ELF1: variants seen among roughly 807,000 people sequenced by gnomAD.
ELF1 encodes E74 like ETS transcription factor 1.
Under a neutral mutation model 59.9 loss-of-function variants are expected in ELF1, and 24 were observed. That is an observed-to-expected ratio of 0.40 (90% confidence interval 0.29 to 0.56). The LOEUF is 0.56. Ranked by LOEUF, ELF1 falls within the 20% of genes least tolerant of loss-of-function variation. The pLI, the probability that ELF1 is intolerant of heterozygous loss-of-function variation, is 0.44. For synonymous variants in ELF1, 248 were observed against 266.2 expected, an observed-to-expected ratio of 0.93 and a Z score of 0.67; for missense variants, 627 against 742.2, an observed-to-expected ratio of 0.84 and a Z score of 1.80.
Position 41,039,888 on chromosome 13 carries a change from A to G in ELF1, c.-229+20950T>C, listed in dbSNP as rs73471206. Among the ~76,000 whole-genome samples, 853 of 152,322 alleles carry G rather than the reference A, an allele frequency of 5.6e-3. 6 individuals carry two copies. The highest frequency in any genetic ancestry group is 0.019 in the African/African-American group (806 of 41,584). ...CAAATACCCTAATAGAAAAACAGGC[A>G]TAAGGCATGAATAGGCACTTCACAA... is the stretch of plus-strand genomic sequence containing the variant. On this transcript the variant is annotated intron_variant, in intron 1 of 1. Transcript: ENST00000405737.
intron 1 of ELF1, chr13:40,992,629 T>TA (rs76106815): frequency 0.18 from 28,569 of 158,628 alleles, 2,776 homozygotes; most frequent in African/African-American, 0.22. Flanking sequence ...AGTGTTCCTT[T>TA]TCCCTACTCA....
intron 1 of ELF1, among the ~76,000 whole-genome samples, chr13:41,046,372 C>G (rs1446731250): frequency 6.6e-6 from 1 of 152,204 alleles, no homozygotes; most frequent in South Asian, 2.1e-4. Context: ...GCAGTTTCTT[C>G]CTAGCATCAA....
intron 1 of ELF1, among the ~76,000 whole-genome samples, chr13:40,987,818 GACACCAAGTAACTGA>G (rs1322788483): frequency 1.3e-5 from 2 of 152,080 alleles, no homozygotes; most frequent in Non-Finnish European, 1.5e-5. Flanking sequence ...AGTAACTCTA[GACACCAAGTAACTGA>G]ACAGAAAGAA....
At chr13:40,952,862 G>T (rs1352682478) in intron 3 of ELF1, among the ~76,000 whole-genome samples, 2 of 151,726 alleles carry the variant, frequency 1.3e-5, no homozygotes, top group African/African-American at 4.8e-5. Flanking sequence ...CTCTGTACAG[G>T]ATTATTTTGA....
intron 1 of ELF1, among the ~76,000 whole-genome samples, chr13:41,002,735 G>A (rs949055095): frequency 6.6e-6 from 1 of 152,000 alleles, no homozygotes; most frequent in Non-Finnish European, 1.5e-5. Context: ...GCAACAAGTA[G>A]CTAAGAAGAC....
chr13:41,034,761 T>G (rs983992518), intron 1 of ELF1, among the ~76,000 whole-genome samples: 48 of 148,430 alleles, frequency 3.2e-4, no homozygotes, highest in Admixed American at 2.8e-3. Flanking sequence ...TAAAGGAATG[T>G]CTCAAATTCT....
chr13:40,947,449 G>A (rs1870575440), intron 5 of ELF1, among the ~76,000 whole-genome samples: 1 of 152,220 alleles, frequency 6.6e-6, no homozygotes, highest in Non-Finnish European at 1.5e-5. Context: ...GGCAGAGGCA[G>A]GAGAATCACC....
At chr13:40,955,747 C>T (rs866101465) in intron 3 of ELF1, among the ~76,000 whole-genome samples, 145 of 130,490 alleles carry the variant, frequency 1.1e-3, no homozygotes, top group African/African-American at 3.7e-3. Context: ...CCCCGCCCGG[C>T]CAGCCGCCCC....
chr13:40,968,321 CAA>C (rs1872313476), intron 2 of ELF1, among the ~76,000 whole-genome samples: 1 of 152,118 alleles, frequency 6.6e-6, no homozygotes, highest in Non-Finnish European at 1.5e-5. Flanking sequence ...TAAACACACA[CAA>C]AAAATTAGGG....
intron 2 of ELF1, among the ~76,000 whole-genome samples, chr13:40,970,579 G>A (rs1872475096): frequency 6.6e-6 from 1 of 152,162 alleles, no homozygotes; most frequent in South Asian, 2.1e-4. Flanking sequence ...TGGCATGGAG[G>A]TTAACATGCA....
At chr13:40,993,424 C>A in intron 1 of ELF1, 1 of 681,192 alleles carries the variant, frequency 1.5e-6, no homozygotes, top group South Asian at 1.8e-5. Flanking sequence ...GCTCTGTCCT[C>A]TAGCGGAGCC....
At chr13:40,959,072 T>G (rs1460774279) in intron 2 of ELF1, 56 bp from the exon 3 acceptor site, 2 of 1,516,448 alleles carry the variant, frequency 1.3e-6, no homozygotes, top group Non-Finnish European at 1.8e-6. Flanking sequence ...AGTTTTGCTT[T>G]TGTTAAATAA....
At position 40,951,454 on chromosome 13, in the gene ELF1, A is replaced by G. The variant is rs751905340; in HGVS notation, c.254-18T>C. ...AGCTTCAACTGCAACACATTTAAAG[A>G]GAAAATTAAATTAACTACGAGACAT... is the stretch of plus-strand genomic sequence containing the variant. On this transcript the variant is annotated intron_variant, in intron 3 of 8. Transcript: ENST00000239882. 19 of 1,603,142 alleles carry G rather than the reference A, an allele frequency of 1.2e-5. No individual in the cohort carries two copies. Among genetic ancestry groups the G allele is most frequent in the Non-Finnish European group, 1.5e-5 (17 of 1,171,008 alleles).
intron 1 of ELF1, among the ~76,000 whole-genome samples, chr13:41,046,185 CAT>C (rs1299224948): frequency 3.9e-5 from 6 of 152,294 alleles, no homozygotes; most frequent in East Asian, 3.9e-4. Context: ...TGTCTCTGCA[CAT>C]GAGATGGGTC....
intron 3 of ELF1, among the ~76,000 whole-genome samples, chr13:40,954,198 T>A (rs1282229076): frequency 6.6e-6 from 1 of 152,156 alleles, no homozygotes; most frequent in Non-Finnish European, 1.5e-5. Flanking sequence ...TGGTTTGCTC[T>A]GAACAAAAAA....
At chr13:40,997,551 C>T (rs1395025434) in intron 1 of ELF1, among the ~76,000 whole-genome samples, 5 of 151,756 alleles carry the variant, frequency 3.3e-5, no homozygotes, top group East Asian at 2.0e-4. Context: ...CCACTGCACC[C>T]GGCCATCTTT....
exon 1 of ELF1, chr13:41,061,386 CCCCTT>C: frequency 1.8e-6 from 1 of 546,954 alleles, no homozygotes; most frequent in Non-Finnish European, 3.3e-6. Flanking sequence ...CGCGCTTTTA[CCCCTT>C]CCCGGTGACC....
chr13:41,034,238 A>G (rs1262003222), intron 1 of ELF1, among the ~76,000 whole-genome samples: 1 of 152,192 alleles, frequency 6.6e-6, no homozygotes, highest in African/African-American at 2.4e-5. Context: ...CATTAAGTGC[A>G]GTGTGGTATA....
intron 2 of ELF1, among the ~76,000 whole-genome samples, chr13:40,965,544 C>A (rs1029048821): frequency 6.6e-6 from 1 of 151,842 alleles, no homozygotes; most frequent in Non-Finnish European, 1.5e-5. Context: ...AAGCTTGAAT[C>A]TGGTAGGCAG....
Sources: allele counts gnomAD v4.1 joint callset (sites outside exome capture counted in the v4.1 genomes callset), GRCh38; gene constraint gnomAD v4.1.1; transcripts MANE v1.5; gene names NCBI Gene and HGNC (gene_info 2026-07-23, HGNC 2026-07-21).